The following RAD18 variants were observed in gnomAD, a reference collection of about 807,000 sequenced individuals.
RAD18 encodes RAD18 E3 ubiquitin protein ligase.
In RAD18, 47 loss-of-function variants were observed where a neutral mutation model predicts 60.4. That is an observed-to-expected ratio of 0.78 (90% CI 0.62 to 0.99). The LOEUF is 0.99. Among genes scored for constraint, RAD18 ranks in the 50% least tolerant of loss-of-function variants. The probability of loss-of-function intolerance (pLI) is 0.00; values close to 1 mark genes in which losing one functional copy is unlikely to be tolerated. For synonymous variants in RAD18, 225 were observed against 195.5 expected, an observed-to-expected ratio of 1.15 and a Z score of -1.26; for missense variants, 640 against 593.3, an observed-to-expected ratio of 1.08 and a Z score of -0.82.
chr3:8,940,970 T>A (rs754500405), intron 5 of RAD18, among the ~76,000 whole-genome samples: 2 of 152,204 alleles, frequency 1.3e-5, no homozygotes, highest in Admixed American at 1.3e-4. Flanking sequence ...ATCTGCCAGT[T>A]GTAGTTTGCC....
intron 7 of RAD18, among the ~76,000 whole-genome samples, chr3:8,926,755 C>A (rs917287781): frequency 6.6e-6 from 1 of 152,096 alleles, no homozygotes. Flanking sequence ...AATAATGCCG[C>A]ATATCTACGA....
rs371832204 is a variant in RAD18 at position 8,963,409 on chromosome 3, G to C, written c.-24C>G. The C allele has an allele frequency of 1.3e-6, 2 of 1,572,534 alleles. No individual in the cohort carries two copies. Among genetic ancestry groups the C allele is most frequent in the South Asian group, 2.3e-5 (2 of 86,384 alleles). On this transcript the variant is annotated 5_prime_UTR_variant, in exon 1 of 13. Coordinates refer to ENST00000264926, the MANE Select transcript of RAD18 (RefSeq NM_020165.4). ...ATGGTCGCTCCCGAGGATGCTGGGG[G>C]TCAGCCACCCACTAGCCTCCGGCGC...
chr3:8,924,131 G>C (rs908342202), intron 7 of RAD18, among the ~76,000 whole-genome samples: 2 of 152,134 alleles, frequency 1.3e-5, no homozygotes, highest in African/African-American at 4.8e-5. Flanking sequence ...TGGATAAAGA[G>C]TCAAGACCCA....
chr3:8,934,505 A>G (rs45567432), intron 7 of RAD18, among the ~76,000 whole-genome samples: 18,204 of 152,278 alleles, frequency 0.12, 1,234 homozygotes, highest in East Asian at 0.23. Flanking sequence ...TTTATAAGTC[A>G]TTAAGGAAAT....
intron 9 of RAD18, among the ~76,000 whole-genome samples, chr3:8,911,513 T>C (rs1185407503): frequency 6.6e-6 from 1 of 152,192 alleles, no homozygotes; most frequent in Non-Finnish European, 1.5e-5. Context: ...ATGGTGACTT[T>C]TGTTGTTCAG....
At chr3:8,944,911 C>A (rs575843110) in intron 4 of RAD18, among the ~76,000 whole-genome samples, 3 of 152,144 alleles carry the variant, frequency 2.0e-5, no homozygotes, top group African/African-American at 7.2e-5. Context: ...AAACTGTAGT[C>A]GGCCCTTCCC....
At chr3:8,930,310 A>C (rs1314146537) in intron 7 of RAD18, among the ~76,000 whole-genome samples, 1 of 152,220 alleles carries the variant, frequency 6.6e-6, no homozygotes, top group African/African-American at 2.4e-5. Flanking sequence ...TAGTTTATAA[A>C]AGGCCACATG....
chr3:8,878,072 T>C lies in RAD18; in HGVS notation c.*3285A>G, dbSNP rs1458880821. 6.6e-6 allele frequency: 1 copy of C among 152,256 alleles called. No individual in the cohort carries two copies. Among genetic ancestry groups the C allele is most frequent in the East Asian group, 1.9e-4 (1 of 5,172 alleles). 9.4% of individuals were successfully genotyped at this position (152,256 alleles called of 1,614,324 possible). A position where few individuals can be genotyped will look rare whatever the true frequency, so the allele number is the denominator to read the frequency against. On this transcript the variant is annotated 3_prime_UTR_variant, in exon 13 of 13. Coordinates refer to ENST00000264926, the MANE Select transcript of RAD18 (RefSeq NM_020165.4). ...GATGGCGTCCTAGGCAAGGTAGGAC[T>C]TTCCAGCAGGGCCAGCCGCAGTGCA...
At chr3:8,895,581 T>C (rs572487193) in intron 11 of RAD18, among the ~76,000 whole-genome samples, 1 of 152,358 alleles carries the variant, frequency 6.6e-6, no homozygotes, top group Non-Finnish European at 1.5e-5. Flanking sequence ...CGATTAACAC[T>C]GATGAGATGA....
chr3:8,890,160 T>C, intron 12 of RAD18: 1 of 525,322 alleles, frequency 1.9e-6, no homozygotes, highest in Non-Finnish European at 3.4e-6. Context: ...GAACAATTTA[T>C]CCATACAGAA....
chr3:8,932,113 A>C (rs1359857048), intron 7 of RAD18, among the ~76,000 whole-genome samples: 3 of 152,200 alleles, frequency 2.0e-5, no homozygotes, highest in Non-Finnish European at 2.9e-5. Context: ...GTTGACATGC[A>C]ACACAATTGT....
rs979254455 is a variant in RAD18 at position 8,908,030 on chromosome 3, C to G, written c.1027+4282G>C. Among the ~76,000 whole-genome samples the G allele has an allele frequency of 2.6e-5, 4 of 152,130 alleles. No homozygotes were observed. The East Asian group carries it at 7.7e-4, about 29-fold the overall frequency. On this transcript the variant is annotated intron_variant, in intron 9 of 12. Transcript: ENST00000264926. ...AGGTCCAGGGAACTATCCCATAATA[C>G]GGGGGCTCATCCAGGATATGACAAA... is the stretch of plus-strand genomic sequence containing the variant.
intron 7 of RAD18, among the ~76,000 whole-genome samples, chr3:8,921,669 A>G (rs559598447): frequency 6.6e-6 from 1 of 152,206 alleles, no homozygotes; most frequent in East Asian, 1.9e-4. Flanking sequence ...ATGAACAAAT[A>G]AAGTTTTTCA....
chr3:8,936,479 T>C (rs1305286150), intron 6 of RAD18, among the ~76,000 whole-genome samples: 1 of 152,220 alleles, frequency 6.6e-6, no homozygotes, highest in Non-Finnish European at 1.5e-5. Flanking sequence ...AAAGTACCAA[T>C]GACTTAAGCA....
At chr3:8,951,973 T>C (rs908319662) in intron 2 of RAD18, among the ~76,000 whole-genome samples, 1 of 152,178 alleles carries the variant, frequency 6.6e-6, no homozygotes, top group Non-Finnish European at 1.5e-5. Flanking sequence ...GTATCTCTTC[T>C]CATACGGACA....
chr3:8,889,918 C>A (rs1392187629), intron 12 of RAD18, among the ~76,000 whole-genome samples: 1 of 152,116 alleles, frequency 6.6e-6, no homozygotes, highest in East Asian at 1.9e-4. Flanking sequence ...TTTACTGTAC[C>A]TTTTCCAGGT....
At chr3:8,884,364 T>C (rs921684944) in intron 12 of RAD18, among the ~76,000 whole-genome samples, 1 of 152,268 alleles carries the variant, frequency 6.6e-6, no homozygotes, top group Non-Finnish European at 1.5e-5. Context: ...ATTGCTTTTA[T>C]GGAGCAGAGA....
intron 1 of RAD18, among the ~76,000 whole-genome samples, chr3:8,962,999 T>C (rs1941115700): frequency 6.6e-6 from 1 of 152,234 alleles, no homozygotes. Flanking sequence ...TGTTTAGTGC[T>C]TGACACAAAG....
At chr3:8,920,812 T>C (rs911449053) in intron 7 of RAD18, among the ~76,000 whole-genome samples, 3 of 152,194 alleles carry the variant, frequency 2.0e-5, no homozygotes, top group Admixed American at 2.0e-4. Context: ...GGAATTATTC[T>C]AGATTGAAAG....
Sources: gnomAD v4.1 joint callset for allele counts (sites outside exome capture counted in the v4.1 genomes callset) on GRCh38, gnomAD v4.1.1 for gene constraint, MANE v1.5 for transcripts, NCBI Gene and HGNC (gene_info 2026-07-23, HGNC 2026-07-21) for gene names.